The following SLCO1A2 variants were observed in gnomAD, a reference collection of about 807,000 sequenced individuals.
SLCO1A2 encodes solute carrier organic anion transporter family member 1A2.
SLCO1A2 carries 67 observed loss-of-function variants against 69.0 expected under a neutral mutation model. That is an observed-to-expected ratio of 0.97 (90% CI 0.80 to 1.19). SLCO1A2 has a LOEUF of 1.19. SLCO1A2 is among the 50% of genes most tolerant of loss of function. The probability of loss-of-function intolerance (pLI) is 0.00; values close to 1 mark genes in which losing one functional copy is unlikely to be tolerated. For synonymous variants in SLCO1A2, 260 were observed against 265.9 expected (o/e 0.98, Z 0.22); for missense variants, 787 against 793.7 (o/e 0.99, Z 0.10).
chr12:21,360,264 GCCAAAA>G (rs1468320308), intron 2 of SLCO1A2, among the ~76,000 whole-genome samples: 2 of 152,148 alleles, frequency 1.3e-5, no homozygotes, highest in Non-Finnish European at 2.9e-5. Flanking sequence ...GTGTGCATTG[GCCAAAA>G]CCAGTCAAAT....
chr12:21,280,233 A>G (rs894504051), intron 12 of SLCO1A2, among the ~76,000 whole-genome samples: 3 of 152,164 alleles, frequency 2.0e-5, no homozygotes, highest in Non-Finnish European at 4.4e-5. Flanking sequence ...GACCTTTCTT[A>G]CGAATAAGAT....
chr12:21,403,064 T>C (rs1941758457), intron 1 of SLCO1A2, among the ~76,000 whole-genome samples: 1 of 152,088 alleles, frequency 6.6e-6, no homozygotes, highest in South Asian at 2.1e-4. Flanking sequence ...GTGGAAGAAC[T>C]GGATAAACAA....
intron 1 of SLCO1A2, among the ~76,000 whole-genome samples, chr12:21,401,185 T>C (rs1464551392): frequency 1.3e-5 from 2 of 151,830 alleles, no homozygotes; most frequent in African/African-American, 4.8e-5. Flanking sequence ...AAACAAAATA[T>C]ATTTAATTAT....
intron 12 of SLCO1A2, among the ~76,000 whole-genome samples, chr12:21,290,912 A>C (rs1407768168): frequency 6.6e-6 from 1 of 152,190 alleles, no homozygotes; most frequent in African/African-American, 2.4e-5. Flanking sequence ...TCATATAAAC[A>C]GTATTACATT....
chr12:21,284,628 T>A (rs568145509), intron 12 of SLCO1A2, among the ~76,000 whole-genome samples: 1 of 146,918 alleles, frequency 6.8e-6, no homozygotes, highest in East Asian at 2.0e-4. Flanking sequence ...TCAGCAAATG[T>A]AAAAGAACAG....
At chr12:21,371,983 CAA>C (rs1409442374) in intron 2 of SLCO1A2, among the ~76,000 whole-genome samples, 8 of 142,242 alleles carry the variant, frequency 5.6e-5, no homozygotes, top group Non-Finnish European at 1.2e-4. Flanking sequence ...GCCTGGGCAA[CAA>C]AGAGTGAAAC....
intron 12 of SLCO1A2, among the ~76,000 whole-genome samples, chr12:21,278,045 C>T (rs1263408223): frequency 1.3e-5 from 2 of 151,932 alleles, no homozygotes; most frequent in African/African-American, 4.8e-5. Context: ...GGCGTAGCAG[C>T]ATTCACACAG....
intron 2 of SLCO1A2, among the ~76,000 whole-genome samples, chr12:21,340,058 C>G (rs1953015953): frequency 6.6e-6 from 1 of 151,964 alleles, no homozygotes; most frequent in Non-Finnish European, 1.5e-5. Flanking sequence ...GTCCTCAATG[C>G]TCTTCTGATT....
intron 12 of SLCO1A2, among the ~76,000 whole-genome samples, chr12:21,285,809 T>TC (rs1489415691): frequency 1.3e-5 from 2 of 151,874 alleles, no homozygotes; most frequent in East Asian, 3.9e-4. Flanking sequence ...AATGCACCAA[T>TC]CCTTCATGCT....
intron 1 of SLCO1A2, among the ~76,000 whole-genome samples, chr12:21,392,096 G>A (rs1225650034): frequency 1.3e-5 from 2 of 152,124 alleles, no homozygotes; most frequent in Non-Finnish European, 2.9e-5. Flanking sequence ...CACTTTCTTG[G>A]ATTCTTTGGA....
At chr12:21,378,589 T>G in intron 1 of SLCO1A2, 1 of 568,420 alleles carries the variant, frequency 1.8e-6, no homozygotes, top group Non-Finnish European at 3.1e-6. Context: ...TAGTACTAAC[T>G]AAGGTCCCAT....
chr12:21,310,534 G>A (rs142899695), intron 4 of SLCO1A2, among the ~76,000 whole-genome samples: 1 of 152,350 alleles, frequency 6.6e-6, no homozygotes, highest in Non-Finnish European at 1.5e-5. Context: ...AGACAGTGAT[G>A]AAGTTTCCTG....
chr12:21,414,988 G>A (rs1304722240), intron 1 of SLCO1A2, among the ~76,000 whole-genome samples: 1 of 151,920 alleles, frequency 6.6e-6, no homozygotes, highest in East Asian at 1.9e-4. Context: ...GCTAACATTT[G>A]CCTGATGTAT....
chr12:21,271,121 T>C (rs1340336390), intron 14 of SLCO1A2, among the ~76,000 whole-genome samples: 2 of 151,848 alleles, frequency 1.3e-5, no homozygotes, highest in Non-Finnish European at 3.0e-5. Context: ...AATGCTCTAT[T>C]TGCAAATAAG....
intron 2 of SLCO1A2, chr12:21,372,827 C>T (rs534882694): frequency 6.3e-6 from 1 of 159,346 alleles, no homozygotes; most frequent in East Asian, 1.8e-4. Flanking sequence ...ATGACAGAGG[C>T]TCTCTGAGCT....
At chr12:21,350,835 CAAAA>C (rs11454466) in intron 2 of SLCO1A2, among the ~76,000 whole-genome samples, 11 of 40,730 alleles carry the variant, frequency 2.7e-4, no homozygotes, top group African/African-American at 1.1e-3. Flanking sequence ...GACTCTGTCT[CAAAA>C]AAAAAAAAAA....
In SLCO1A2 at chr12:21,265,209, C is replaced by T. The variant is rs10841780; in HGVS notation, c.*4339G>A. On this transcript the variant is annotated 3_prime_UTR_variant, in exon 15 of 15. Transcript: ENST00000683939. ...TTTTTCCGTAAGTTGTTTTCACCTGCTACCATTACAGACTGGTCCAGACCT... is the reference window on the plus strand; with the variant it reads ...TTTTTCCGTAAGTTGTTTTCACCTGTTACCATTACAGACTGGTCCAGACCT... 10,196 of 152,264 alleles carry T rather than the reference C, an allele frequency of 0.067. 792 individuals carry two copies. Among genetic ancestry groups the T allele is most frequent in the East Asian group, 0.35 (1,787 of 5,152 alleles). 9.4% of individuals were successfully genotyped at this position (152,264 alleles called of 1,614,324 possible). A position where few individuals can be genotyped will look rare whatever the true frequency, so the allele number is the denominator to read the frequency against.
chr12:21,343,678 C>G (rs927473405), intron 2 of SLCO1A2, among the ~76,000 whole-genome samples: 3 of 152,068 alleles, frequency 2.0e-5, no homozygotes, highest in Non-Finnish European at 4.4e-5. Flanking sequence ...ATGACATCAG[C>G]TAACCAAAGA....
chr12:21,367,520 T>G (rs1317238049), intron 2 of SLCO1A2, among the ~76,000 whole-genome samples: 1 of 152,090 alleles, frequency 6.6e-6, no homozygotes, highest in Non-Finnish European at 1.5e-5. Context: ...AATATTATCA[T>G]ATGAAGAGTG....
Sources: allele counts gnomAD v4.1 joint callset (sites outside exome capture counted in the v4.1 genomes callset), GRCh38; gene constraint gnomAD v4.1.1; transcripts MANE v1.5; gene names NCBI Gene and HGNC (gene_info 2026-07-23, HGNC 2026-07-21).